Variants in A2M observed in about 807,000 individuals in gnomAD.
A2M encodes C3 and PZP-like alpha-2-macroglobulin domain-containing protein 5.
A2M carries 128 observed loss-of-function variants against 183.9 expected under a neutral mutation model. The ratio of observed to expected loss-of-function variants is 0.70; its 90% confidence interval spans 0.60 to 0.81. A2M has a LOEUF of 0.81. Ranked by LOEUF, A2M falls within the 30% of genes least tolerant of loss-of-function variation. A2M has a pLI of 0.00. For synonymous variants in A2M, 592 were observed against 670.8 expected (o/e 0.88, Z 1.81); for missense variants, 1,495 against 1,787.6 (o/e 0.84, Z 2.95).
At chr12:9,097,287 T>TA (rs1158623644) in intron 15 of A2M, among the ~76,000 whole-genome samples, 4 of 152,102 alleles carry the variant, frequency 2.6e-5, no homozygotes, top group African/African-American at 9.7e-5. Context: ...AACATTTTTT[T>TA]ATAAGTTTCT....
chr12:9,075,319 T>C (rs1437183880), intron 28 of A2M, among the ~76,000 whole-genome samples: 1 of 152,148 alleles, frequency 6.6e-6, no homozygotes, highest in Non-Finnish European at 1.5e-5. Context: ...TATTCAGCAA[T>C]GGGGAAGATG....
At chr12:9,079,871 G>A (rs747812105) in intron 23 of A2M, 56 bp from the exon 24 acceptor site, 53 of 1,424,756 alleles carry the variant, frequency 3.7e-5, no homozygotes, top group Non-Finnish European at 4.8e-5. Flanking sequence ...ATCTATCAAA[G>A]TCATTAAGCA....
intron 19 of A2M, among the ~76,000 whole-genome samples, chr12:9,090,952 G>A (rs1216343679): frequency 6.6e-6 from 1 of 152,172 alleles, no homozygotes; most frequent in African/African-American, 2.4e-5. Flanking sequence ...TGAGAATAGA[G>A]TACTGACTTT....
At chr12:9,080,286 T>C in intron 22 of A2M, 109 bp from the exon 23 acceptor site, 1 of 597,712 alleles carries the variant, frequency 1.7e-6, no homozygotes, top group East Asian at 3.1e-5. Context: ...AAACTCCTCC[T>C]GAAAAGTTGT....
At chr12:9,081,120 G>T (rs1592344710) in intron 22 of A2M, among the ~76,000 whole-genome samples, 1 of 151,980 alleles carries the variant, frequency 6.6e-6, no homozygotes, top group East Asian at 1.9e-4. Context: ...GAAAATATCT[G>T]CAACATATTC....
rs1401347111 is a variant in A2M at position 9,101,564 on chromosome 12, G to A, written c.1377C>T (p.Val459=). 1 of 1,613,982 alleles carries A rather than the reference G, an allele frequency of 6.2e-7. No homozygotes were observed. Among genetic ancestry groups the A allele is most frequent in the African/African-American group, 1.3e-5 (1 of 75,036 alleles). ...YLVFSPSKSF[V]HLEPMSHELP... ...GTTCATGAGACATGGGCTCAAGGTGGACAAAGCTCTTGCTTGGGGAGAACA... is the reference window on the plus strand; with the variant it reads ...GTTCATGAGACATGGGCTCAAGGTGAACAAAGCTCTTGCTTGGGGAGAACA... Residue 459 remains valine (V), a synonymous_variant, in exon 12 of 36, where the codon GTC becomes GTT. Coordinates refer to ENST00000318602, the MANE Select transcript of A2M (RefSeq NM_000014.6).
At chr12:9,076,632 A>G in intron 28 of A2M, 124 bp downstream of exon 28, 1 of 834,992 alleles carries the variant, frequency 1.2e-6, no homozygotes, top group South Asian at 2.0e-5. Flanking sequence ...TGGACAAAAT[A>G]TATATGATAT....
At chr12:9,089,115 A>G (rs1949131236) in intron 22 of A2M, 85 bp downstream of exon 22, 1 of 1,080,840 alleles carries the variant, frequency 9.3e-7, no homozygotes. Context: ...GATCACAGAG[A>G]AAGTGTAGGA....
chr12:9,072,056 G>A (rs967807264), intron 31 of A2M, among the ~76,000 whole-genome samples: 2 of 151,990 alleles, frequency 1.3e-5, no homozygotes, highest in African/African-American at 2.4e-5. Flanking sequence ...CTTCAATAAA[G>A]CAAGAATAAT....
intron 29 of A2M, among the ~76,000 whole-genome samples, chr12:9,074,002 C>A (rs1206861567): frequency 6.7e-6 from 1 of 150,322 alleles, no homozygotes; most frequent in Non-Finnish European, 1.5e-5. Flanking sequence ...GCACTAGAAT[C>A]GCTTGAACCT....
Position 9,093,548 on chromosome 12 carries a change from G to T in A2M, c.2157C>A (p.Arg719=). 1 of 1,610,312 alleles carries T rather than the reference G, an allele frequency of 6.2e-7. No individual in the cohort carries two copies. Residue 719 remains arginine (R), a synonymous_variant, in exon 18 of 36, where the codon CGC becomes CGA. Coordinates refer to ENST00000318602, the MANE Select transcript of A2M (RefSeq NM_000014.6). The part of the protein sequence containing the change: ...ESDVMGRGHA[R]LVHVEEPHTE... ...TGTGAGGCTCTTCAACATGCACCAG[G>T]CGTGCATGGCCTCTTCCCATTACAT...
chr12:9,101,260 A>G (rs1937822902), intron 12 of A2M, 53 bp from the exon 13 acceptor site: 1 of 1,517,054 alleles, frequency 6.6e-7, no homozygotes, highest in Admixed American at 2.0e-5. Flanking sequence ...AACACGCTTC[A>G]GTCTCACTTC....
chr12:9,105,722 G>C (rs1938234987), intron 10 of A2M, among the ~76,000 whole-genome samples: 1 of 152,060 alleles, frequency 6.6e-6, no homozygotes, highest in Non-Finnish European at 1.5e-5. Flanking sequence ...CACTGTTTTA[G>C]AAATATACTT....
At chr12:9,077,977 C>A in intron 25 of A2M, 120 bp from the exon 26 acceptor site, 2 of 1,098,766 alleles carry the variant, frequency 1.8e-6, no homozygotes, top group Non-Finnish European at 2.6e-6. Context: ...ACTTAGAGAG[C>A]TTATCTCCTT....
At chr12:9,072,520 C>T (rs761249028) in intron 30 of A2M, 34 bp from the exon 31 acceptor site, 2 of 1,601,630 alleles carry the variant, frequency 1.2e-6, no homozygotes, top group South Asian at 1.1e-5. Flanking sequence ...CAGTTTTTTG[C>T]CCTTTCCCAG....
rs536739212 is a variant in A2M at position 9,088,858 on chromosome 12, C to G, written c.2770+342G>C. ...AGTGTTAGAATGCCCTAAATTCAGC[C>G]GTCCATAGTTTGCATTATTAATTAT... On this transcript the variant is annotated intron_variant, in intron 22 of 35. Transcript: ENST00000318602. Among the ~76,000 whole-genome samples the G allele has an allele frequency of 2.0e-3, 307 of 152,226 alleles. 1 individual carries two copies. The highest frequency in any genetic ancestry group is 2.8e-3 in the Non-Finnish European group (193 of 68,006).
Position 9,099,470 on chromosome 12 carries a change from C to A in A2M, c.1612G>T (p.Ala538Ser). 1 of 1,609,052 alleles carries A rather than the reference C, an allele frequency of 6.2e-7. No individual in the cohort carries two copies. The highest frequency in any genetic ancestry group is 8.5e-7 in the Non-Finnish European group (1 of 1,177,772). Reference sequence around the variant, plus strand: ...AAAACAGCATAGATGAGCAACCGAGCGACAGGAGCAATGTCTGACTTCACA... The same window carrying A: ...AAAACAGCATAGATGAGCAACCGAGAGACAGGAGCAATGTCTGACTTCACA... ...IPVKSDIAPVARLLIYAVLPT... is the reference protein window; with the variant it reads ...IPVKSDIAPVSRLLIYAVLPT... The change falls in exon 14 of 36, where the codon GCT (alanine) becomes TCT (serine). Residue 538 changes from alanine (A) to serine (S), a missense_variant. Transcript: ENST00000318602.
rs1306152132 is a variant in A2M at position 9,095,589 on chromosome 12, A to G, written c.1963T>C (p.Tyr655His). ...TCATTTGTACTTGATACTGGAGTAT[A>G]TGTGATTCCATTAATATAGACATTA... ...RHNVYINGIT[Y>H]TPVSSTNEKD... The change falls in exon 16 of 36, where the codon TAT (tyrosine) becomes CAT (histidine). Residue 655 changes from tyrosine (Y) to histidine (H), a missense_variant. By Grantham distance (83) the Tyr-to-His change is moderately conservative. Transcript: ENST00000318602. The G allele has an allele frequency of 6.2e-7, 1 of 1,611,956 alleles. No homozygotes were observed. Among genetic ancestry groups the G allele is most frequent in the African/African-American group, 1.3e-5 (1 of 74,856 alleles).
In A2M at chr12:9,110,020, G is replaced by A. The variant is rs756179835; in HGVS notation, c.520C>T (p.Arg174Cys). The change falls in exon 6 of 36, where the codon CGC (arginine) becomes TGC (cysteine). Residue 174 changes from arginine to cysteine, a missense_variant. Arg to Cys is a radical substitution (Grantham distance 180). Coordinates refer to ENST00000318602, the MANE Select transcript of A2M (RefSeq NM_000014.6). ...LVYIQDPKGNRIAQWQSFQLE... is the reference protein window; with the variant it reads ...LVYIQDPKGNCIAQWQSFQLE... ...TGGAAACTCTGCCATTGTGCGATGC[G>A]ATTTCCTTTGGGATCCTATATGAGT... is the stretch of plus-strand genomic sequence containing the variant. The A allele has an allele frequency of 5.6e-6, 9 of 1,611,004 alleles. No homozygotes were observed. Among genetic ancestry groups the A allele is most frequent in the African/African-American group, 2.7e-5 (2 of 74,706 alleles).
Sources: allele counts gnomAD v4.1 joint callset (sites outside exome capture counted in the v4.1 genomes callset), GRCh38; gene constraint gnomAD v4.1.1; transcripts MANE v1.5; gene names NCBI Gene and HGNC (gene_info 2026-07-23, HGNC 2026-07-21).